Variants in PACRG observed in about 807,000 individuals in gnomAD.
The protein encoded by PACRG is parkin coregulated.
A neutral mutation model predicts 29.7 loss-of-function variants in PACRG; 29 were observed. That is an observed-to-expected ratio of 0.98 (90% CI 0.73 to 1.33). PACRG has a LOEUF of 1.33. Among genes scored for constraint, PACRG ranks in the 40% most tolerant of loss-of-function variants. The probability of loss-of-function intolerance (pLI) is 0.00; values close to 1 mark genes in which losing one functional copy is unlikely to be tolerated. For synonymous variants in PACRG, 116 were observed against 118.7 expected (o/e 0.98, Z 0.15); for missense variants, 279 against 316.2 (o/e 0.88, Z 0.89).
At chr6:162,732,446 G>C (rs1779842144) in intron 1 of PACRG, among the ~76,000 whole-genome samples, 1 of 152,210 alleles carries the variant, frequency 6.6e-6, no homozygotes, top group Non-Finnish European at 1.5e-5. Context: ...AGTTGCAAGA[G>C]AGGCTGGGAC....
At chr6:162,972,527 G>A (rs1051725460) in intron 2 of PACRG, among the ~76,000 whole-genome samples, 1 of 152,098 alleles carries the variant, frequency 6.6e-6, no homozygotes, top group African/African-American at 2.4e-5. Flanking sequence ...CACATTGACC[G>A]AGCTTCATCT....
intron 2 of PACRG, among the ~76,000 whole-genome samples, chr6:162,998,274 G>A (rs909084730): frequency 2.0e-5 from 3 of 152,100 alleles, no homozygotes; most frequent in Admixed American, 6.5e-5. Context: ...CTCCAACTTC[G>A]TACTTGATGT....
At chr6:162,775,635 G>T (rs190162086) in intron 1 of PACRG, among the ~76,000 whole-genome samples, 1 of 152,054 alleles carries the variant, frequency 6.6e-6, no homozygotes, top group Non-Finnish European at 1.5e-5. Flanking sequence ...TTCAAATTAT[G>T]TGCACATCCA....
At chr6:162,947,362 G>A (rs751391137) in intron 2 of PACRG, among the ~76,000 whole-genome samples, 38,463 of 54,798 alleles carry the variant, frequency 0.7, 13,132 homozygotes, top group Middle Eastern at 0.83. Flanking sequence ...TATATATAAT[G>A]TAATCATATA....
At chr6:162,913,424 G>A (rs1024233659) in intron 2 of PACRG, among the ~76,000 whole-genome samples, 1 of 152,090 alleles carries the variant, frequency 6.6e-6, no homozygotes, top group African/African-American at 2.4e-5. Flanking sequence ...GTGTTTTATT[G>A]TATAGAAATA....
At chr6:163,239,864 ACC>A in intron 4 of PACRG, among the ~76,000 whole-genome samples, 2 of 104,944 alleles carry the variant, frequency 1.9e-5, no homozygotes, top group Admixed American at 1.0e-4. Flanking sequence ...TCACACTCCC[ACC>A]CCGACATACA....
At chr6:162,947,619 T>TATATATAATCATATATATATATAATC (rs1554313380) in intron 2 of PACRG, among the ~76,000 whole-genome samples, 1 of 47,314 alleles carries the variant, frequency 2.1e-5, no homozygotes, top group Non-Finnish European at 4.0e-5. Flanking sequence ...ATCATATATA[T>TATATATAATCATATATATATATAATC]ATATATATAT....
chr6:163,203,057 C>A (rs979365001), intron 4 of PACRG, among the ~76,000 whole-genome samples: 1 of 152,068 alleles, frequency 6.6e-6, no homozygotes, highest in Admixed American at 6.5e-5. Context: ...TACATCGGGC[C>A]GTTCCTCATC....
chr6:162,996,183 G>A (rs1584965105), intron 2 of PACRG, among the ~76,000 whole-genome samples: 1 of 152,240 alleles, frequency 6.6e-6, no homozygotes, highest in Non-Finnish European at 1.5e-5. Flanking sequence ...AATTATGTGA[G>A]ATAATGGACA....
At chr6:162,946,749 T>G (rs565544618) in intron 2 of PACRG, among the ~76,000 whole-genome samples, 44 of 152,042 alleles carry the variant, frequency 2.9e-4, no homozygotes, top group Non-Finnish European at 6.2e-4. Context: ...GCAAACCAAA[T>G]TCAACTGCAT....
chr6:163,090,003 A>T (rs1813948215), intron 4 of PACRG, among the ~76,000 whole-genome samples: 1 of 152,204 alleles, frequency 6.6e-6, no homozygotes, highest in African/African-American at 2.4e-5. Flanking sequence ...GTGTGATTTC[A>T]TTGAAATGAT....
At chr6:162,927,804 G>A (rs896434701) in intron 2 of PACRG, among the ~76,000 whole-genome samples, 3 of 148,264 alleles carry the variant, frequency 2.0e-5, no homozygotes, top group African/African-American at 7.8e-5. Context: ...ATTAAAAAAA[G>A]CAAAGCAAAC....
intron 1 of PACRG, among the ~76,000 whole-genome samples, chr6:162,755,505 G>A (rs377661522): frequency 1.3e-5 from 2 of 151,854 alleles, no homozygotes; most frequent in Non-Finnish European, 2.9e-5. Flanking sequence ...GTGCAATCTC[G>A]GCTCACTGCA....
At chr6:162,968,708 G>T (rs2128155708) in intron 2 of PACRG, among the ~76,000 whole-genome samples, 1 of 152,258 alleles carries the variant, frequency 6.6e-6, no homozygotes, top group Middle Eastern at 3.4e-3. Context: ...AATATTCAAA[G>T]AAAAGAAAGT....
At chr6:163,248,973 G>T (rs1319002597) in intron 4 of PACRG, among the ~76,000 whole-genome samples, 1 of 140,078 alleles carries the variant, frequency 7.1e-6, no homozygotes, top group East Asian at 2.1e-4. Context: ...CCGAGATCAC[G>T]CCACTGCACT....
In PACRG at chr6:163,257,028, T is replaced by C. The variant is rs139341749; in HGVS notation, c.614-57799T>C. ...GCCGCCATCTTCACGTGGTCTTTTC[T>C]TGTCTGTGTCTCGGCGTCTCTGCCT... On this transcript the variant is annotated intron_variant, in intron 4 of 4. Transcript: ENST00000366888. 1.2e-4 allele frequency among the ~76,000 whole-genome samples: 19 copies of C among 152,230 alleles called. No homozygotes were observed. The East Asian group carries it at 3.5e-3, about 28-fold the overall frequency.
intron 4 of PACRG, among the ~76,000 whole-genome samples, chr6:163,108,349 A>G (rs1021080471): frequency 2.0e-5 from 3 of 149,702 alleles, no homozygotes; most frequent in African/African-American, 7.4e-5. Context: ...TGCTTCCTGC[A>G]CAGCCTGCAG....
At chr6:163,112,185 T>C (rs887748829) in intron 4 of PACRG, 1 of 284,168 alleles carries the variant, frequency 3.5e-6, no homozygotes, top group African/African-American at 2.3e-5. Flanking sequence ...GGAACTTTTT[T>C]TGAAGTCTGG....
At chr6:163,258,614 G>A (rs1490126461) in intron 4 of PACRG, among the ~76,000 whole-genome samples, 1 of 151,952 alleles carries the variant, frequency 6.6e-6, no homozygotes, top group African/African-American at 2.4e-5. Context: ...AAAATTAGCC[G>A]GCAATGGTGG....
Sources: allele counts gnomAD v4.1 joint callset (sites outside exome capture counted in the v4.1 genomes callset), GRCh38; gene constraint gnomAD v4.1.1; transcripts MANE v1.5; gene names NCBI Gene and HGNC (gene_info 2026-07-23, HGNC 2026-07-21).